ABCC9: variants seen among roughly 807,000 people sequenced by gnomAD.
ABCC9 encodes ATP binding cassette subfamily C member 9.
Under a neutral mutation model 188.3 loss-of-function variants are expected in ABCC9, and 95 were observed. The ratio of observed to expected loss-of-function variants is 0.50; its 90% CI spans 0.43 to 0.60. The LOEUF is 0.60. Ranked by LOEUF, ABCC9 falls within the 20% of genes least tolerant of loss-of-function variation. The pLI, the probability that ABCC9 is intolerant of heterozygous loss-of-function variation, is 0.00. For missense variants in ABCC9, 1,102 were observed against 1,876.3 expected, an observed-to-expected ratio of 0.59 and a Z score of 7.62; for synonymous variants, 659 against 652.7, an observed-to-expected ratio of 1.01 and a Z score of -0.15.
intron 12 of ABCC9, among the ~76,000 whole-genome samples, chr12:21,905,077 A>G (rs1406313209): frequency 6.6e-6 from 1 of 152,226 alleles, no homozygotes; most frequent in Non-Finnish European, 1.5e-5. Context: ...GCACATATAT[A>G]CCATGGAATA....
rs1206937109 is a variant in ABCC9, at chr12:21,798,508, T to TTG, written c.*2534_*2535dup. 6.7e-6 allele frequency: 1 copy of TTG among 148,258 alleles called. No individual in the cohort carries two copies. The highest frequency in any genetic ancestry group is 1.5e-5 in the Non-Finnish European group (1 of 67,598). 9.2% of individuals were successfully genotyped at this position (148,258 alleles called of 1,614,324 possible). On this transcript the variant is annotated 3_prime_UTR_variant, in exon 40 of 40. Transcript: ENST00000261200. ...GTCCTTCACCCACTTTTTGATGGGG[T>TTG]TGTTTGTTTTTTTCTTGTAAATTTG...
chr12:21,936,773 G>C, intron 2 of ABCC9, 79 bp from the exon 3 acceptor site: 1 of 1,067,486 alleles, frequency 9.4e-7, no homozygotes, highest in South Asian at 1.4e-5. Context: ...GCCTTGAATA[G>C]AGGGCTATAT....
chr12:21,835,553 C>A (rs2252705), intron 30 of ABCC9, among the ~76,000 whole-genome samples: 1 of 152,206 alleles, frequency 6.6e-6, no homozygotes, highest in South Asian at 2.1e-4. Flanking sequence ...TATTGGGAGG[C>A]ACAAGTCATA....
intron 31 of ABCC9, among the ~76,000 whole-genome samples, chr12:21,818,888 T>A (rs936450817): frequency 5.3e-5 from 8 of 152,106 alleles, no homozygotes; most frequent in Non-Finnish European, 1.0e-4. Context: ...ACCTACTATT[T>A]GAACTTTTTG....
intron 39 of ABCC9, among the ~76,000 whole-genome samples, chr12:21,804,597 A>C (rs1941712177): frequency 6.6e-6 from 1 of 152,234 alleles, no homozygotes; most frequent in African/African-American, 2.4e-5. Context: ...AAGAGGAACC[A>C]CAGAGTTCAC....
intron 24 of ABCC9, 22 bp from the exon 25 acceptor site, chr12:21,848,268 C>A: frequency 2.5e-6 from 4 of 1,597,736 alleles, no homozygotes; most frequent in Non-Finnish European, 3.4e-6. Flanking sequence ...ATTGTACTAT[C>A]ATGCAAGGAG....
intron 12 of ABCC9, 137 bp downstream of exon 12, chr12:21,905,989 G>A: frequency 1.0e-6 from 1 of 966,582 alleles, no homozygotes; most frequent in Non-Finnish European, 1.6e-6. Flanking sequence ...GTGGCTATTG[G>A]ACAGCACGTG....
At chr12:21,836,910 G>T (rs908332590) in intron 30 of ABCC9, among the ~76,000 whole-genome samples, 1 of 152,288 alleles carries the variant, frequency 6.6e-6, no homozygotes, top group African/African-American at 2.4e-5. Context: ...AACATGGCAG[G>T]TGTATGTGGG....
chr12:21,828,611 C>G (rs781486269), intron 31 of ABCC9: 3 of 333,586 alleles, frequency 9.0e-6, no homozygotes, highest in Non-Finnish European at 1.8e-5. Flanking sequence ...CAGGCAGGAC[C>G]AACTCAGTGA....
intron 16 of ABCC9, 36 bp from the exon 17 acceptor site, chr12:21,875,762 G>T: frequency 3.4e-6 from 5 of 1,482,414 alleles, no homozygotes; most frequent in Non-Finnish European, 4.7e-6. Context: ...AATTATATGT[G>T]TGGTATCAAT....
chr12:21,844,428 T>G (rs1237938753), intron 28 of ABCC9, 55 bp downstream of exon 28: 2 of 1,382,650 alleles, frequency 1.4e-6, no homozygotes, highest in Non-Finnish European at 2.1e-6. Flanking sequence ...TAAAATGCTA[T>G]TTAGCTTACA....
intron 30 of ABCC9, 131 bp from the exon 31 acceptor site, chr12:21,829,191 CTTTTTTT>C (rs11430045): frequency 1.0e-3 from 233 of 230,596 alleles, no homozygotes; most frequent in African/African-American, 3.3e-3. Context: ...AAATAGATTT[CTTTTTTT>C]TTTTTTTTTT....
At chr12:21,909,314 CAAT>C (rs758788060) in intron 10 of ABCC9, among the ~76,000 whole-genome samples, 67 of 151,768 alleles carry the variant, frequency 4.4e-4, no homozygotes, top group African/African-American at 1.6e-3. Flanking sequence ...AAAAGGCAAA[CAAT>C]AAGTTAAAAA....
intron 29 of ABCC9, 89 bp downstream of exon 29, chr12:21,842,225 T>C (rs1277197838): frequency 6.8e-7 from 1 of 1,466,622 alleles, no homozygotes; most frequent in Non-Finnish European, 9.3e-7. Context: ...TTTCCAAATA[T>C]TTTTGATCTG....
intron 4 of ABCC9, among the ~76,000 whole-genome samples, chr12:21,930,431 G>T (rs186785424): frequency 1.8e-3 from 272 of 152,150 alleles, no homozygotes; most frequent in Admixed American, 5.5e-3. Context: ...TTTCAAAAAA[G>T]CAGACCTCTG....
chr12:21,914,135 T>C (rs1244004575), intron 7 of ABCC9, among the ~76,000 whole-genome samples: 2 of 152,210 alleles, frequency 1.3e-5, no homozygotes, highest in Non-Finnish European at 2.9e-5. Context: ...AAACAGAGAT[T>C]ATTTTCATCA....
chr12:21,893,351 T>C (rs117946591), intron 14 of ABCC9, among the ~76,000 whole-genome samples: 317 of 152,328 alleles, frequency 2.1e-3, no homozygotes, highest in Non-Finnish European at 3.4e-3. Context: ...CCTGGATTTT[T>C]TTCCAGATTA....
At chr12:21,817,130 A>G in intron 33 of ABCC9, 57 bp downstream of exon 33, 12 of 1,572,926 alleles carry the variant, frequency 7.6e-6, no homozygotes, top group Non-Finnish European at 9.6e-6. Flanking sequence ...CCCAACAAAC[A>G]CTAATATTTG....
At chr12:21,833,632 C>T (rs1943899816) in intron 30 of ABCC9, among the ~76,000 whole-genome samples, 2 of 152,074 alleles carry the variant, frequency 1.3e-5, no homozygotes, top group Non-Finnish European at 2.9e-5. Context: ...CTTCCCCTGT[C>T]CTTCAAGGAG....
Sources: gnomAD v4.1 joint callset for allele counts (sites outside exome capture counted in the v4.1 genomes callset) on GRCh38, gnomAD v4.1.1 for gene constraint, MANE v1.5 for transcripts, NCBI Gene and HGNC (gene_info 2026-07-23, HGNC 2026-07-21) for gene names.